Variants in TIMELESS observed in about 807,000 individuals in gnomAD.
TIMELESS encodes protein timeless homolog.
A neutral mutation model predicts 164.3 loss-of-function variants in TIMELESS; 124 were observed. That is an observed-to-expected ratio of 0.75 (90% CI 0.65 to 0.88). The LOEUF (loss-of-function observed/expected upper bound fraction) is 0.88, where lower values mean the gene tolerates loss of function less well. TIMELESS is among the 40% of genes least tolerant of loss of function. The probability of loss-of-function intolerance (pLI) is 0.00; values close to 1 mark genes in which losing one functional copy is unlikely to be tolerated. For synonymous variants in TIMELESS, 564 were observed against 563.4 expected (o/e 1.00, Z -0.02); for missense variants, 1,422 against 1,491.4 (o/e 0.95, Z 0.77).
At chr12:56,423,205 C>T in intron 18 of TIMELESS, 69 bp downstream of exon 18, 1 of 1,569,176 alleles carries the variant, frequency 6.4e-7, no homozygotes, top group Non-Finnish European at 8.7e-7. Flanking sequence ...CTTCTATCTC[C>T]TGAAGATTAT....
At position 56,434,198 on chromosome 12, in the gene TIMELESS, G is replaced by A. The variant is rs940013495; in HGVS notation, c.-28C>T. On this transcript the variant is annotated 5_prime_UTR_variant, in exon 2 of 29. Transcript: ENST00000553532. ...ATCAGTGGACCAACCAACAGAGAAG[G>A]AAGTGGAGAAACAGGAGACAGAAAT... is the stretch of plus-strand genomic sequence containing the variant. 7 of 1,557,416 alleles carry A rather than the reference G, an allele frequency of 4.5e-6. No individual in the cohort carries two copies. The African/African-American group carries it at 8.1e-5, about 18-fold the overall frequency.
At chr12:56,431,410 G>T in intron 8 of TIMELESS, 61 bp downstream of exon 8, 4 of 1,399,698 alleles carry the variant, frequency 2.9e-6, no homozygotes, top group Non-Finnish European at 2.9e-6. Flanking sequence ...CTTAGAATTT[G>T]CCTTCTATGC....
rs767958171 is a variant in TIMELESS at position 56,424,759 on chromosome 12, T to C, written c.1868+3A>G. 20 of 1,613,482 alleles carry C rather than the reference T, an allele frequency of 1.2e-5. No individual in the cohort carries two copies. The East Asian group carries it at 1.3e-4, about 11-fold the overall frequency. ...CAAGAGGATGAGCAGGCAGGGTTCTTACCGAGCAGACCTCAGGAGAGTCAG... is the reference window on the plus strand; with the variant it reads ...CAAGAGGATGAGCAGGCAGGGTTCTCACCGAGCAGACCTCAGGAGAGTCAG... On this transcript the variant is annotated splice_donor_region_variant and intron_variant, in intron 15 of 28. Transcript: ENST00000553532.
Position 56,417,832 on chromosome 12 carries a change from G to A in TIMELESS, c.3557-46C>T, listed in dbSNP as rs1282566511. ...AGAGAGAGAGAGAATATCTAAATAT[G>A]TTAAGGGGTAAGGACGTGGTAGAGT... On this transcript the variant is annotated intron_variant, in intron 28 of 28. Transcript: ENST00000553532. 9 of 1,613,470 alleles carry A rather than the reference G, an allele frequency of 5.6e-6. No homozygotes were observed. The South Asian group carries it at 6.6e-5, about 12-fold the overall frequency.
At chr12:56,420,308 T>C (rs538135202) in intron 26 of TIMELESS, among the ~76,000 whole-genome samples, 19 of 151,876 alleles carry the variant, frequency 1.3e-4, no homozygotes, top group African/African-American at 4.6e-4. Context: ...AAGGGACAAC[T>C]GTAATCAAGA....
chr12:56,420,668 T>C lies in TIMELESS; in HGVS notation c.3129A>G (p.Pro1043=). The change falls in exon 26 of 29, where the codon CCA becomes CCG. Residue 1043 remains proline, a synonymous_variant. Transcript: ENST00000553532. ...REEDGCSQAV[P]LVPLTEENEE... ...CATTTTCCTCTGTGAGTGGCACCAA[T>C]GGAACGGCCTGGGAGCAGCCTAAGA... is the stretch of plus-strand genomic sequence containing the variant. 1 of 1,614,210 alleles carries C rather than the reference T, an allele frequency of 6.2e-7. No homozygotes were observed. The highest frequency in any genetic ancestry group is 1.1e-5 in the South Asian group (1 of 91,088).
At chr12:56,445,345 C>T (rs1225119431) in intron 1 of TIMELESS, among the ~76,000 whole-genome samples, 1 of 131,888 alleles carries the variant, frequency 7.6e-6, no homozygotes, top group Non-Finnish European at 1.6e-5. Flanking sequence ...TTGTTTGAAC[C>T]CAGGAGGTGG....
chr12:56,424,783 A>T lies in TIMELESS; in HGVS notation c.1847T>A (p.Leu616Gln). ...TTACCGAGCAGACCTCAGGAGAGTC[A>T]GGGCCTGTGGGGCCTGGCCAGCCAG... ...CLLAGQAPQALTLLRSAREVW... is the reference protein window; with the variant it reads ...CLLAGQAPQAQTLLRSAREVW... Residue 616 changes from leucine to glutamine, a missense_variant, in exon 15 of 29, where the codon CTG becomes CAG. Physicochemically the swap from Leu to Gln is moderately radical, Grantham distance 113. Transcript: ENST00000553532. 1.2e-6 allele frequency: 2 copies of T among 1,614,140 alleles called. No individual in the cohort carries two copies. The highest frequency in any genetic ancestry group is 1.7e-6 in the Non-Finnish European group (2 of 1,180,012).
At chr12:56,440,931 C>A (rs938735693) in intron 1 of TIMELESS, among the ~76,000 whole-genome samples, 1 of 152,140 alleles carries the variant, frequency 6.6e-6, no homozygotes, top group East Asian at 1.9e-4. Flanking sequence ...TATTATCGTG[C>A]CTCAGCCTCC....
chr12:56,433,729 C>T, intron 3 of TIMELESS, 44 bp downstream of exon 3: 1 of 1,613,558 alleles, frequency 6.2e-7, no homozygotes, highest in Non-Finnish European at 8.5e-7. Flanking sequence ...GCTCAAACAC[C>T]AAAGCCTGGC....
chr12:56,438,656 T>TG (rs1882148605), intron 1 of TIMELESS, among the ~76,000 whole-genome samples: 1 of 151,476 alleles, frequency 6.6e-6, no homozygotes, highest in Admixed American at 6.6e-5. Flanking sequence ...TGTGTGCTTG[T>TG]GGTCCTAGCT....
intron 15 of TIMELESS, 55 bp downstream of exon 15, chr12:56,424,707 T>G: frequency 6.3e-7 from 1 of 1,590,552 alleles, no homozygotes; most frequent in East Asian, 2.2e-5. Context: ...TGTACCGCAG[T>G]GATGGCCTCC....
In TIMELESS at chr12:56,423,293, G is replaced by A. The variant is rs1363050772; in HGVS notation, c.2273C>T (p.Pro758Leu). ...CCTCACTTTGTAGGCTCCAGCAGCA[G>A]GGTCACTAAGCAGACGATTGAAGAG... Reference protein sequence around the residue: ...FCLFNRLLSDPAAGAYKELVT... With the variant: ...FCLFNRLLSDLAAGAYKELVT... Residue 758 changes from proline to leucine, a missense_variant, in exon 18 of 29, where the codon CCT (proline) becomes CTT (leucine). Physicochemically the swap from Pro to Leu is moderately conservative, Grantham distance 98. Coordinates refer to ENST00000553532, the MANE Select transcript of TIMELESS (RefSeq NM_003920.5). 1 of 1,614,090 alleles carries A rather than the reference G, an allele frequency of 6.2e-7. No homozygotes were observed. Among genetic ancestry groups the A allele is most frequent in the Non-Finnish European group, 8.5e-7 (1 of 1,180,018 alleles).
intron 7 of TIMELESS, 22 bp downstream of exon 7, chr12:56,432,347 G>C: frequency 6.2e-7 from 1 of 1,600,920 alleles, no homozygotes; most frequent in Non-Finnish European, 8.6e-7. Flanking sequence ...GAGGGGACTC[G>C]GGCAATAGGC....
chr12:56,431,592 G>C lies in TIMELESS; in HGVS notation c.700C>G (p.Leu234Val), dbSNP rs1881885911. 6.2e-7 allele frequency: 1 copy of C among 1,612,748 alleles called. No individual in the cohort carries two copies. The highest frequency in any genetic ancestry group is 1.1e-5 in the South Asian group (1 of 90,930). ...AAGCGTCCCTGCCCTACTCCCGCCAGCTGCTCGGGGTTCTAGATTGGAACA... is the reference window on the plus strand; with the variant it reads ...AAGCGTCCCTGCCCTACTCCCGCCACCTGCTCGGGGTTCTAGATTGGAACA... ...LMFRDQNPEQ[L>V]AGVGQGRLAQ... Residue 234 changes from leucine to valine, a missense_variant, in exon 8 of 29, where the codon CTG becomes GTG. By Grantham distance (32) the Leu-to-Val change is conservative. Transcript: ENST00000553532.
rs1400434543 is a variant in TIMELESS at position 56,421,937 on chromosome 12, T to C, written c.2604A>G (p.Val868=). 12 of 1,614,040 alleles carry C rather than the reference T, an allele frequency of 7.4e-6. No individual in the cohort carries two copies. Among genetic ancestry groups the C allele is most frequent in the Non-Finnish European group, 1.0e-5 (12 of 1,180,004 alleles). ...RTRKQIIHHL[V]QMGLADSVKD... is the part of the protein sequence containing the mutation. ...TGACACTGTCAGCCAGTCCCATCTG[T>C]ACCAGATGGTGGATGATCTGCTTGC... is the stretch of plus-strand genomic sequence containing the variant. The change falls in exon 21 of 29, where the codon GTA becomes GTG. Residue 868 remains valine, a synonymous_variant. Transcript: ENST00000553532.
chr12:56,428,596 T>A lies in TIMELESS; in HGVS notation c.1361A>T (p.Asp454Val). The A allele has an allele frequency of 1.9e-6, 3 of 1,614,080 alleles. No individual in the cohort carries two copies. The highest frequency in any genetic ancestry group is 2.5e-6 in the Non-Finnish European group (3 of 1,180,014). Residue 454 changes from aspartate (D) to valine (V), a missense_variant, in exon 12 of 29, where the codon GAC becomes GTC. By Grantham distance (152) the Asp-to-Val change is radical (BLOSUM62 -3). Coordinates refer to ENST00000553532, the MANE Select transcript of TIMELESS (RefSeq NM_003920.5). ...CCTCACAGCCTCATCTGGAGATATG[T>A]CCATCTCATTCACTGTTGCCAGCAG... ...QELLATVNEMDISPDEAVRES... is the reference protein window; with the variant it reads ...QELLATVNEMVISPDEAVRES...
At chr12:56,442,979 T>C (rs1868297962) in intron 1 of TIMELESS, among the ~76,000 whole-genome samples, 1 of 152,250 alleles carries the variant, frequency 6.6e-6, no homozygotes, top group Non-Finnish European at 1.5e-5. Context: ...TCCCGTCATC[T>C]TCATAAACTG....
rs1333694245 is a variant in TIMELESS at position 56,423,813 on chromosome 12, G to A, written c.1950C>T (p.Leu650=). ...GAGACTCACGGGGAAGTGGAGCAGA[G>A]AGGATTTGTTTCAGCAACTGGATCT... ...EEEIQLLKQI[L]SAPLPRQQGP... is the part of the protein sequence containing the mutation. Residue 650 remains leucine, a synonymous_variant, in exon 16 of 29, where the codon CTC becomes CTT. Transcript: ENST00000553532. 1.2e-6 allele frequency: 2 copies of A among 1,614,104 alleles called. No individual in the cohort carries two copies. The highest frequency in any genetic ancestry group is 2.2e-5 in the East Asian group (1 of 44,904).
Sources: allele counts gnomAD v4.1 joint callset (sites outside exome capture counted in the v4.1 genomes callset), GRCh38; gene constraint gnomAD v4.1.1; transcripts MANE v1.5; gene names NCBI Gene and HGNC (gene_info 2026-07-23, HGNC 2026-07-21).